Variants in CDH4 observed in about 807,000 individuals in gnomAD.
CDH4 encodes the protein cadherin-4.
Under a neutral mutation model 86.0 loss-of-function variants are expected in CDH4, and 33 were observed. That is an observed-to-expected ratio of 0.38 (90% CI 0.29 to 0.51). The LOEUF (loss-of-function observed/expected upper bound fraction) is 0.51, where lower values mean the gene tolerates loss of function less well. Among genes scored for constraint, CDH4 ranks in the 20% least tolerant of loss-of-function variants. The pLI is 0.86. For missense variants in CDH4, 1,114 were observed against 1,307.4 expected (o/e 0.85, Z 2.28); for synonymous variants, 555 against 549.4 (o/e 1.01, Z -0.14).
chr20:61,897,610 G>A (rs977546329), intron 8 of CDH4, among the ~76,000 whole-genome samples: 14 of 152,192 alleles, frequency 9.2e-5, no homozygotes, highest in Admixed American at 3.3e-4. Context: ...TACCCTCGCC[G>A]CAACTGCTGA....
rs2087553275 is a variant in CDH4 at position 61,684,540 on chromosome 20, C to A, written c.170-59023C>A. ...GTTCCATATCACACACAAGGTCCAGCCCCCTGTGTTGTTCTGCAGCTGGGA... is the reference window on the plus strand; with the variant it reads ...GTTCCATATCACACACAAGGTCCAGACCCCTGTGTTGTTCTGCAGCTGGGA... On this transcript the variant is annotated intron_variant, in intron 2 of 15. Coordinates refer to ENST00000614565, the MANE Select transcript of CDH4 (RefSeq NM_001794.5). The surrounding 1 kb of genome is among the most constrained non-coding windows in gnomAD (Gnocchi z 4.5). 6.6e-6 allele frequency among the ~76,000 whole-genome samples: 1 copy of A among 152,210 alleles called. No homozygotes were observed. Among genetic ancestry groups the A allele is most frequent in the Non-Finnish European group, 1.5e-5 (1 of 68,034 alleles).
At chr20:61,489,058 G>C (rs2085611641) in intron 2 of CDH4, among the ~76,000 whole-genome samples, 1 of 152,080 alleles carries the variant, frequency 6.6e-6, no homozygotes, top group South Asian at 2.1e-4. Context: ...ACACAAACAG[G>C]ACTTCCCAGA....
chr20:61,490,330 C>T (rs747841618), intron 2 of CDH4, among the ~76,000 whole-genome samples: 3 of 152,134 alleles, frequency 2.0e-5, no homozygotes, highest in African/African-American at 7.2e-5. Flanking sequence ...ACACACGAAG[C>T]GGAAGGGGCC....
chr20:61,587,809 T>C (rs943049113), intron 2 of CDH4, among the ~76,000 whole-genome samples: 26 of 152,174 alleles, frequency 1.7e-4, no homozygotes, highest in African/African-American at 5.8e-4. Flanking sequence ...GTTTTTTTAA[T>C]TGCACAAGCA....
At chr20:61,773,720 C>T (rs1284574170) in intron 4 of CDH4, among the ~76,000 whole-genome samples, 9 of 152,124 alleles carry the variant, frequency 5.9e-5, no homozygotes, top group Admixed American at 5.9e-4. Flanking sequence ...TTTCTTCTTC[C>T]CTTTGAAGAA....
chr20:61,828,909 G>A (rs1207640975), intron 4 of CDH4, among the ~76,000 whole-genome samples: 2 of 152,270 alleles, frequency 1.3e-5, no homozygotes, highest in Non-Finnish European at 2.9e-5. Flanking sequence ...CCGGGATGAA[G>A]CTGTTCCAGC....
At chr20:61,589,770 T>G (rs2086503916) in intron 2 of CDH4, among the ~76,000 whole-genome samples, 1 of 151,468 alleles carries the variant, frequency 6.6e-6, no homozygotes, top group Non-Finnish European at 1.5e-5. Context: ...CCCCCATATT[T>G]AACTAACCTG....
intron 6 of CDH4, among the ~76,000 whole-genome samples, chr20:61,856,849 A>G (rs1983036638): frequency 6.6e-6 from 1 of 152,206 alleles, no homozygotes; most frequent in Non-Finnish European, 1.5e-5. Context: ...TCCCCGAGCA[A>G]GGGGACCATG....
chr20:61,367,691 T>G (rs1234329507), intron 2 of CDH4, among the ~76,000 whole-genome samples: 1 of 152,112 alleles, frequency 6.6e-6, no homozygotes, highest in Non-Finnish European at 1.5e-5. Flanking sequence ...CGGCAAAATG[T>G]CAGCTAATCA....
chr20:61,805,251 A>G (rs1305846984), intron 4 of CDH4, among the ~76,000 whole-genome samples: 1 of 152,234 alleles, frequency 6.6e-6, no homozygotes, highest in African/African-American at 2.4e-5. Context: ...GGAGCAGAGA[A>G]GAACAGCTCC....
intron 2 of CDH4, among the ~76,000 whole-genome samples, chr20:61,345,928 A>G (rs6513579): frequency 0.15 from 22,492 of 152,216 alleles, 1,917 homozygotes; most frequent in East Asian, 0.32. Context: ...ATGTTTGCTG[A>G]GCACCTGCTG....
At chr20:61,581,063 G>T (rs1273527262) in intron 2 of CDH4, among the ~76,000 whole-genome samples, 2 of 152,206 alleles carry the variant, frequency 1.3e-5, no homozygotes, top group African/African-American at 2.4e-5. Context: ...CAGGGTTCTG[G>T]CCTCTGTGTG....
rs1198557797 is a variant in CDH4 at position 61,392,045 on chromosome 20, C to G, written c.169+137108C>G. 6.6e-6 allele frequency among the ~76,000 whole-genome samples: 1 copy of G among 152,028 alleles called. No individual in the cohort carries two copies. Among genetic ancestry groups the G allele is most frequent in the South Asian group, 2.1e-4 (1 of 4,812 alleles). On this transcript the variant is annotated intron_variant, in intron 2 of 15. Coordinates refer to ENST00000614565, the MANE Select transcript of CDH4 (RefSeq NM_001794.5). The surrounding 1 kb of genome is among the most constrained non-coding windows in gnomAD (Gnocchi z 5.7). ...GAGCTGGCTACTTCTCAACCCTTCC[C>G]CCGCCTCGCTTGCCGTGGGTTTCAG...
At chr20:61,799,279 TGTTGA>T (rs1266300226) in intron 4 of CDH4, among the ~76,000 whole-genome samples, 2 of 152,130 alleles carry the variant, frequency 1.3e-5, no homozygotes, top group Admixed American at 6.5e-5. Context: ...CTGGTGTGAG[TGTTGA>T]GTTGGGCGAA....
chr20:61,549,542 G>A (rs1295902015), intron 2 of CDH4, among the ~76,000 whole-genome samples: 2 of 152,222 alleles, frequency 1.3e-5, no homozygotes, highest in African/African-American at 2.4e-5. Flanking sequence ...CTTGCTTTGT[G>A]TACAAAGTTT....
chr20:61,265,475 A>G (rs534765719), intron 2 of CDH4, among the ~76,000 whole-genome samples: 1 of 151,054 alleles, frequency 6.6e-6, no homozygotes, highest in Non-Finnish European at 1.5e-5. Flanking sequence ...AATCTTACAC[A>G]GACCTCAGTG....
intron 7 of CDH4, among the ~76,000 whole-genome samples, chr20:61,892,090 C>T (rs1290529821): frequency 6.6e-6 from 1 of 152,246 alleles, no homozygotes; most frequent in East Asian, 1.9e-4. Flanking sequence ...AATAAAAGAG[C>T]ATAGCCATGT....
At chr20:61,412,259 A>G (rs2085123698) in intron 2 of CDH4, among the ~76,000 whole-genome samples, 1 of 152,182 alleles carries the variant, frequency 6.6e-6, no homozygotes. Context: ...GCATGAGCCC[A>G]TGATGGCTGG....
intron 2 of CDH4, among the ~76,000 whole-genome samples, chr20:61,433,544 G>T (rs1328981615): frequency 1.3e-5 from 2 of 151,992 alleles, no homozygotes; most frequent in South Asian, 2.1e-4. Flanking sequence ...GACTGGGATT[G>T]TCAAAATCAC....
Sources: allele counts gnomAD v4.1 joint callset (sites outside exome capture counted in the v4.1 genomes callset), GRCh38; gene constraint gnomAD v4.1.1; non-coding constraint Gnocchi (gnomAD v3.1); transcripts MANE v1.5; gene names NCBI Gene and HGNC (gene_info 2026-07-23, HGNC 2026-07-21).